Variants in MYL5 observed in about 807,000 individuals in gnomAD.
MYL5 encodes myosin regulatory light chain 5.
Under a neutral mutation model 20.8 loss-of-function variants are expected in MYL5, and 28 were observed. The ratio of observed to expected loss-of-function variants is 1.35; its 90% CI spans 1.00 to 1.84. The LOEUF is 1.84. Among genes scored for constraint, MYL5 ranks in the 40% most tolerant of loss-of-function variants. The pLI is 0.00. For missense variants in MYL5, 274 were observed against 227.3 expected (o/e 1.21, Z -1.32); for synonymous variants, 118 against 87.4 (o/e 1.35, Z -1.95).
chr4:678,412 G>C, intron 1 of MYL5: 1 of 1,420,482 alleles, frequency 7.0e-7, no homozygotes. Context: ...ACTGTGCTCT[G>C]TGGGCCTTCT....
chr4:679,977 A>G (rs1438474303), exon 4 of MYL5: 3 of 1,613,440 alleles, frequency 1.9e-6, no homozygotes, highest in Non-Finnish European at 2.5e-6. Context: ...GGGCCCATCA[A>G]CTTCACCATG....
At chr4:678,792 C>T in intron 2 of MYL5, 27 bp downstream of exon 4, 2 of 1,600,560 alleles carry the variant, frequency 1.2e-6, no homozygotes, top group Non-Finnish European at 1.7e-6. Flanking sequence ...TCACTGGGAG[C>T]CCCCACCCCC....
At chr4:678,371 G>T (rs1319142674) in intron 1 of MYL5, 2 of 1,411,554 alleles carry the variant, frequency 1.4e-6, no homozygotes, top group South Asian at 3.0e-5. Context: ...CAGAGGCCAA[G>T]CTGGCTCCTG....
intron 5 of MYL5, 188 bp downstream of exon 7, chr4:680,775 A>AG (rs1409081350): frequency 1.5e-6 from 1 of 669,136 alleles, no homozygotes; most frequent in East Asian, 2.7e-5. Flanking sequence ...CACAGGGACC[A>AG]GCGCCTGTGC....
At chr4:676,593 C>CA (rs1738862867), upstream of MYL5, 2 of 152,406 alleles carry the variant, frequency 1.3e-5, no homozygotes, top group South Asian at 4.1e-4. Context: ...GCACTGTGCT[C>CA]AGACTCCAGT....
chr4:681,841 C>G (rs1198680431), intron 6 of MYL5, 52 bp from the exon 9 acceptor site: 2 of 1,296,450 alleles, frequency 1.5e-6, no homozygotes, highest in Non-Finnish European at 2.0e-6. Context: ...CAGGTGCGCG[C>G]TTGTAATTCG....
intron 4 of MYL5, 148 bp from the exon 7 acceptor site, chr4:680,361 A>AGAAG: frequency 1.2e-6 from 1 of 856,032 alleles, no homozygotes; most frequent in East Asian, 2.4e-5. Flanking sequence ...TCAGGAAAGG[A>AGAAG]GAAGGCCTTC....
chr4:674,712 C>A (rs1738715531), upstream of MYL5: 3 of 187,152 alleles, frequency 1.6e-5, no homozygotes, highest in South Asian at 2.6e-4. Context: ...GGTCCAGCCC[C>A]GCGGACCGCG....
At chr4:680,562 G>A (rs756236530) in exon 5 of MYL5, 13 of 1,613,240 alleles carry the variant, frequency 8.1e-6, no homozygotes, top group East Asian at 2.2e-5. Flanking sequence ...GGACCCGGAC[G>A]GGAAAGGGAA....
At chr4:681,677 G>A (rs1229257885) in intron 6 of MYL5, 2 of 16,774 alleles carry the variant, frequency 1.2e-4, no homozygotes, top group Admixed American at 5.5e-4. Flanking sequence ...CCCCTCCAGC[G>A]CCGCCCCGCC....
chr4:680,064 C>A, intron 4 of MYL5, 46 bp downstream of exon 6: 1 of 1,444,062 alleles, frequency 6.9e-7, no homozygotes, highest in Non-Finnish European at 9.6e-7. Flanking sequence ...TAATTCCTAA[C>A]AGTTAGAGAT....
chr4:680,016 G>A (rs747055658), exon 4 of MYL5: 1 of 1,611,638 alleles, frequency 6.2e-7, no homozygotes, highest in Non-Finnish European at 8.5e-7. Context: ...GAGAAGCTGA[G>A]CGGTGAGCAC....
intron 6 of MYL5, 151 bp from the exon 9 acceptor site, chr4:681,725 GCCCCCTCCAGCGCCGCC>G (rs1739664272): frequency 4.0e-6 from 1 of 249,696 alleles, no homozygotes; most frequent in Non-Finnish European, 5.7e-6. Context: ...GCGCCGCCCC[GCCCCCTCCAGCGCCGCC>G]CCGCCCCCTC....
intron 5 of MYL5, 157 bp downstream of exon 7, chr4:680,744 G>C: frequency 1.3e-6 from 1 of 771,414 alleles, no homozygotes; most frequent in Non-Finnish European, 2.1e-6. Context: ...TCCCAGCTGA[G>C]TGGGAGGCCA....
At chr4:681,862 C>T in intron 6 of MYL5, 31 bp from the exon 9 acceptor site, 1 of 1,307,764 alleles carries the variant, frequency 7.6e-7, no homozygotes. Context: ...CTCCCGGAGC[C>T]CGCAAGGAGC....
At chr4:678,549 A>G (rs1739092322) in intron 1 of MYL5, 109 bp from the exon 4 acceptor site, 2 of 1,477,780 alleles carry the variant, frequency 1.4e-6, no homozygotes, top group East Asian at 5.0e-5. Context: ...CTCCAGCCCG[A>G]AGGGCTGAGG....
upstream of MYL5, chr4:674,577 G>A (rs71602500): frequency 4.8e-6 from 2 of 417,966 alleles, 1 homozygote; most frequent in Admixed American, 8.9e-5. Flanking sequence ...CTGTTTCCCC[G>A]CGCTGCTGCC....
chr4:679,844 T>TG, intron 3 of MYL5, 70 bp from the exon 6 acceptor site: 1 of 1,354,776 alleles, frequency 7.4e-7, no homozygotes, highest in Non-Finnish European at 1.1e-6. Flanking sequence ...GGCCCTGTGC[T>TG]GGGGTCACCT....
rs369775559 is a variant in MYL5 at position 678,654 on chromosome 4, G to A, written c.4-4G>A. On this transcript the variant is annotated splice_region_variant and splice_polypyrimidine_tract_variant and intron_variant, in intron 1 of 6. Transcript: ENST00000400159. ...GACCCTCAGCCATGGTGCTCCCACC[G>A]CAGGCCAGCAGGAAGACCAAGAAGA... 43 of 1,602,276 alleles carry A rather than the reference G, an allele frequency of 2.7e-5. No homozygotes were observed. The Middle Eastern group carries it at 5.0e-4, about 19-fold the overall frequency.
Sources: gnomAD v4.1 joint callset for allele counts on GRCh38, gnomAD v4.1.1 for gene constraint, MANE v1.5 for transcripts, NCBI Gene and HGNC (gene_info 2026-07-23, HGNC 2026-07-21) for gene names.